NOP2: variants seen among roughly 807,000 people sequenced by gnomAD.
The protein encoded by NOP2 is NOP2 nucleolar protein, also known as 28S rRNA (cytosine(4447)-C(5))-methyltransferase.
NOP2 carries 7 observed loss-of-function variants against 72.7 expected under a neutral mutation model. The observed-to-expected ratio is 0.10, with a 90% confidence interval of 0.05 to 0.18. NOP2 has a LOEUF of 0.18. Ranked by LOEUF, NOP2 falls within the 10% of genes least tolerant of loss-of-function variation. The pLI, the probability that NOP2 is intolerant of heterozygous loss-of-function variation, is 1.00. For missense variants in NOP2, 954 were observed against 1,014.7 expected (o/e 0.94, Z 0.81); for synonymous variants, 387 against 388.0 (o/e 1.00, Z 0.03).
At chr12:6,562,294 A>G (rs953100959) in intron 9 of NOP2, among the ~76,000 whole-genome samples, 1 of 152,142 alleles carries the variant, frequency 6.6e-6, no homozygotes, top group African/African-American at 2.4e-5. Context: ...CCCGGTAGGG[A>G]TGAAGATTTT....
Position 6,557,274 on chromosome 12 carries a change from G to C in NOP2, c.2158C>G (p.Pro720Ala). The C allele has an allele frequency of 6.2e-7, 1 of 1,614,038 alleles. No homozygotes were observed. Among genetic ancestry groups the C allele is most frequent in the Non-Finnish European group, 8.5e-7 (1 of 1,179,900 alleles). The change falls in exon 16 of 16, where the codon CCC (proline) becomes GCC (alanine). Residue 720 changes from proline to alanine, a missense_variant. Pro to Ala is a conservative substitution (Grantham distance 27, BLOSUM62 -1). This residue lies in a region of NOP2 where 269 missense variants were observed against 260.2 expected (regional missense o/e 1.03). Coordinates refer to ENST00000322166, the MANE Select transcript of NOP2 (RefSeq NM_001258308.2). ...GGTGTTTGTGTGTCTGTGCCCTTGG[G>C]AGGGGCATTCTGCCTGAGGAAAGCA... Reference protein sequence around the residue: ...KVAFLRQNAPPKGTDTQTPAV... With the variant: ...KVAFLRQNAPAKGTDTQTPAV...
intron 11 of NOP2, 87 bp from the exon 12 acceptor site, chr12:6,561,157 G>A: frequency 6.5e-7 from 1 of 1,539,970 alleles, no homozygotes; most frequent in South Asian, 1.2e-5. Context: ...ATCCACATGA[G>A]AAGTGTCATC....
chr12:6,566,861 G>A (rs1329173288), intron 2 of NOP2, 39 bp from the exon 3 acceptor site: 8 of 1,550,860 alleles, frequency 5.2e-6, no homozygotes, highest in Non-Finnish European at 5.3e-6. Context: ...CAAGTTACAG[G>A]GGACATTAAA....
intron 11 of NOP2, 60 bp from the exon 12 acceptor site, chr12:6,561,130 C>T: frequency 6.3e-7 from 1 of 1,591,812 alleles, no homozygotes; most frequent in Non-Finnish European, 8.6e-7. Context: ...CACTTGCTCC[C>T]ACCCTCCTGT....
At chr12:6,566,508 C>G (rs767927750) in intron 4 of NOP2, 21 bp downstream of exon 4, 34 of 1,610,434 alleles carry the variant, frequency 2.1e-5, no homozygotes, top group Admixed American at 5.0e-5. Context: ...CATGTAGCAT[C>G]CAGCTCTTAG....
At chr12:6,567,717 C>G in intron 2 of NOP2, 99 bp downstream of exon 2, 1 of 915,248 alleles carries the variant, frequency 1.1e-6, no homozygotes, top group Non-Finnish European at 1.7e-6. Flanking sequence ...GAGAAGATTC[C>G]ACTTAAATAT....
At chr12:6,562,998 T>C in intron 9 of NOP2, 83 bp downstream of exon 9, 1 of 1,340,166 alleles carries the variant, frequency 7.5e-7, no homozygotes. Context: ...CCCCACCCAG[T>C]CAGGGTAGCA....
intron 5 of NOP2, 38 bp downstream of exon 5, chr12:6,566,063 A>C: frequency 6.6e-7 from 1 of 1,510,642 alleles, no homozygotes; most frequent in Non-Finnish European, 9.1e-7. Context: ...CTAAATAGCA[A>C]GGATCCTTCT....
At chr12:6,562,855 C>G (rs1235471866) in intron 9 of NOP2, among the ~76,000 whole-genome samples, 3 of 152,192 alleles carry the variant, frequency 2.0e-5, no homozygotes, top group Admixed American at 6.5e-5. Context: ...ATCCTGAAGT[C>G]TCATCATCCT....
intron 11 of NOP2, 26 bp from the exon 12 acceptor site, chr12:6,561,096 G>A (rs1156498641): frequency 6.2e-7 from 1 of 1,611,496 alleles, no homozygotes; most frequent in Admixed American, 1.7e-5. Context: ...TAACAGTGCT[G>A]ATCAGCCAGT....
rs1474335050 is a variant in NOP2 at position 6,561,987 on chromosome 12, GA to G, written c.979-17del. 2.7e-5 allele frequency: 37 copies of G among 1,388,352 alleles called. No individual in the cohort carries two copies. The highest frequency in any genetic ancestry group is 5.8e-5 in the African/African-American group (4 of 69,392). 86.0% of individuals were successfully genotyped at this position (1,388,352 alleles called of 1,614,324 possible). On this transcript the variant is annotated splice_polypyrimidine_tract_variant and intron_variant, in intron 9 of 15. Transcript: ENST00000322166. Reference sequence around the variant, plus strand: ...TGATTAGAGCCTGAAAAGGGATGAAGATTTTTTTTTTTTTTTTTTGAGATGG... The same window carrying G: ...TGATTAGAGCCTGAAAAGGGATGAAGTTTTTTTTTTTTTTTTTTGAGATGG...
chr12:6,563,190 G>T lies in NOP2; in HGVS notation c.889-20C>A. Reference sequence around the variant, plus strand: ...CACCAGCTGCGGGGCAAGACAGCAGGGAATAAGTGAGGCTGGCTAAGGAGC... The same window carrying T: ...CACCAGCTGCGGGGCAAGACAGCAGTGAATAAGTGAGGCTGGCTAAGGAGC... On this transcript the variant is annotated intron_variant, in intron 8 of 15. Coordinates refer to ENST00000322166, the MANE Select transcript of NOP2 (RefSeq NM_001258308.2). 1.9e-6 allele frequency: 3 copies of T among 1,571,876 alleles called. No individual in the cohort carries two copies. Among genetic ancestry groups the T allele is most frequent in the Non-Finnish European group, 2.6e-6 (3 of 1,158,660 alleles).
intron 11 of NOP2, among the ~76,000 whole-genome samples, chr12:6,561,357 T>C (rs958993598): frequency 1.3e-5 from 2 of 152,278 alleles, no homozygotes; most frequent in African/African-American, 4.8e-5. Flanking sequence ...CTGCTGACTA[T>C]GTGCTGAACA....
chr12:6,561,955 C>T lies in NOP2; in HGVS notation c.995G>A (p.Gly332Glu). The T allele has an allele frequency of 6.2e-7, 1 of 1,610,736 alleles. No homozygotes were observed. Among genetic ancestry groups the T allele is most frequent in the Non-Finnish European group, 8.5e-7 (1 of 1,178,386 alleles). ...CTTGCCCAGGGGATCCAGGTTAACCCCACGATTGATTAGAGCCTGAAAAGG... is the reference window on the plus strand; with the variant it reads ...CTTGCCCAGGGGATCCAGGTTAACCTCACGATTGATTAGAGCCTGAAAAGG... ...RDLAQALINR[G>E]VNLDPLGKWS... The change falls in exon 10 of 16, where the codon GGG becomes GAG. Residue 332 changes from glycine (G) to glutamate (E), a missense_variant. Coordinates refer to ENST00000322166, the MANE Select transcript of NOP2 (RefSeq NM_001258308.2).
chr12:6,566,408 T>C, intron 4 of NOP2, 72 bp from the exon 5 acceptor site: 1 of 1,494,648 alleles, frequency 6.7e-7, no homozygotes, highest in Non-Finnish European at 9.3e-7. Context: ...GAGCCTGTAC[T>C]TTCTACCCCT....
rs35415744 is a variant in NOP2, at chr12:6,566,245, G to A, written c.330C>T (p.Gly110=). Residue 110 remains glycine, a synonymous_variant, in exon 5 of 16, where the codon GGC becomes GGT. Coordinates refer to ENST00000322166, the MANE Select transcript of NOP2 (RefSeq NM_001258308.2). ...CTTCCTCCTCCTCTTCCTCATCACT[G>A]CCAGGTGCTGGGCGCTTCTTGCCTC... The part of the protein sequence containing the change: ...APRGKKRPAP[G]SDEEEEEEDS... 189 of 1,613,714 alleles carry A rather than the reference G, an allele frequency of 1.2e-4. No homozygotes were observed. Among genetic ancestry groups the A allele is most frequent in the Non-Finnish European group, 1.5e-4 (182 of 1,179,858 alleles).
intron 2 of NOP2, chr12:6,567,425 G>A (rs1163715166): frequency 4.6e-6 from 1 of 217,854 alleles, no homozygotes; most frequent in African/African-American, 2.4e-5. Flanking sequence ...CCAGATCCGT[G>A]CTTTTCCATT....
chr12:6,566,291 T>C lies in NOP2; in HGVS notation c.284A>G (p.Gln95Arg). The C allele has an allele frequency of 6.2e-7, 1 of 1,613,906 alleles. No individual in the cohort carries two copies. Among genetic ancestry groups the C allele is most frequent in the South Asian group, 1.1e-5 (1 of 91,080 alleles). Residue 95 changes from glutamine to arginine, a missense_variant, in exon 5 of 16, where the codon CAG becomes CGG. Coordinates refer to ENST00000322166, the MANE Select transcript of NOP2 (RefSeq NM_001258308.2). ...AVQTAGKKGP[Q>R]SLFNAPRGKK... The stretch of plus-strand genomic sequence containing the variant: ...GCCTCGAGGAGCATTAAATAGGGAC[T>C]GGGGTCCCTTCTTACCAGCTGTCTG...
rs1298810512 is a variant in NOP2, at chr12:6,563,321, C to A, written c.882G>T (p.Leu294=). 6.3e-7 allele frequency: 1 copy of A among 1,591,820 alleles called. No individual in the cohort carries two copies. Among genetic ancestry groups the A allele is most frequent in the Non-Finnish European group, 8.6e-7 (1 of 1,169,210 alleles). ...CATTCTGGCAATCCAGTACCTCAGA[C>A]AGAGGGAAGAGGTCCATGAGCTTGC... ...LLGKLMDLFP[L]SELVEFLEAN... Residue 294 remains leucine (L), a synonymous_variant, in exon 8 of 16, where the codon CTG becomes CTT. Transcript: ENST00000322166.
Sources: allele counts gnomAD v4.1 joint callset (sites outside exome capture counted in the v4.1 genomes callset), GRCh38; gene constraint gnomAD v4.1.1; regional missense constraint gnomAD v4.1.1; transcripts MANE v1.5; gene names NCBI Gene and HGNC (gene_info 2026-07-23, HGNC 2026-07-21).